PARD3: variants seen among roughly 807,000 people sequenced by gnomAD.
The protein encoded by PARD3 is par-3 family cell polarity regulator.
A neutral mutation model predicts 155.4 loss-of-function variants in PARD3; 75 were observed. The ratio of observed to expected loss-of-function variants is 0.48; its 90% CI spans 0.40 to 0.58. The LOEUF is 0.58. PARD3 is among the 20% of genes least tolerant of loss of function. The pLI is 0.00. For synonymous variants in PARD3, 576 were observed against 610.5 expected, an observed-to-expected ratio of 0.94 and a Z score of 0.83; for missense variants, 1,642 against 1,721.7, an observed-to-expected ratio of 0.95 and a Z score of 0.82.
chr10:34,459,727 A>C (rs1200927769), intron 4 of PARD3, among the ~76,000 whole-genome samples: 1 of 152,110 alleles, frequency 6.6e-6, no homozygotes, highest in Non-Finnish European at 1.5e-5. Flanking sequence ...GAATTTAAAA[A>C]CGAATGTATA....
chr10:34,152,955 G>C (rs1189451728), intron 22 of PARD3, among the ~76,000 whole-genome samples: 6 of 152,200 alleles, frequency 3.9e-5, no homozygotes, highest in Admixed American at 1.3e-4. Flanking sequence ...GGCCCAGAGA[G>C]ATCCAGTGAC....
chr10:34,794,696 A>G (rs999268679), intron 1 of PARD3, among the ~76,000 whole-genome samples: 2 of 152,230 alleles, frequency 1.3e-5, no homozygotes, highest in South Asian at 4.1e-4. Flanking sequence ...TCTTTCTACC[A>G]CATAGCCTGG....
At chr10:34,216,086 T>C (rs1388806828) in intron 22 of PARD3, among the ~76,000 whole-genome samples, 1 of 152,222 alleles carries the variant, frequency 6.6e-6, no homozygotes, top group Non-Finnish European at 1.5e-5. Context: ...CCAAGTCAGA[T>C]GGTCGACACT....
chr10:34,265,556 C>G (rs1955260570), intron 22 of PARD3, among the ~76,000 whole-genome samples: 1 of 152,160 alleles, frequency 6.6e-6, no homozygotes, highest in Admixed American at 6.5e-5. Flanking sequence ...TCACTGGACA[C>G]CAATTGCAAA....
chr10:34,579,221 G>A (rs1432679920), intron 2 of PARD3, among the ~76,000 whole-genome samples: 1 of 150,980 alleles, frequency 6.6e-6, no homozygotes, highest in African/African-American at 2.4e-5. Flanking sequence ...AGTGAGCCAA[G>A]ATCGCGCCAC....
At chr10:34,806,100 AG>A (rs1333155788) in intron 1 of PARD3, among the ~76,000 whole-genome samples, 1 of 151,772 alleles carries the variant, frequency 6.6e-6, no homozygotes, top group African/African-American at 2.4e-5. Context: ...ACACCATCAT[AG>A]TTCACTGCAA....
At chr10:34,165,364 G>A (rs1349732895) in intron 22 of PARD3, among the ~76,000 whole-genome samples, 2 of 152,142 alleles carry the variant, frequency 1.3e-5, no homozygotes, top group Non-Finnish European at 2.9e-5. Context: ...ACTGTGGCCT[G>A]CCATCACTAT....
chr10:34,470,212 G>A lies in PARD3; in HGVS notation c.455C>T (p.Ser152Phe), dbSNP rs1018647815. 5.0e-6 allele frequency: 8 copies of A among 1,612,888 alleles called. No individual in the cohort carries two copies. Among genetic ancestry groups the A allele is most frequent in the Non-Finnish European group, 5.9e-6 (7 of 1,179,516 alleles). ...RSSDPALIGL[S>F]TSVSDSNFSS... ...AAAATTACTATCACTGACAGAAGTG[G>A]AGAGGCCAATTAGAGCTGGGTCACT... is the stretch of plus-strand genomic sequence containing the variant. The change falls in exon 4 of 25, where the codon TCC becomes TTC. Residue 152 changes from serine to phenylalanine, a missense_variant. Coordinates refer to ENST00000374788, the MANE Select transcript of PARD3 (RefSeq NM_001184785.2).
intron 21 of PARD3, 84 bp from the exon 22 acceptor site, chr10:34,269,983 G>T: frequency 3.1e-6 from 4 of 1,293,194 alleles, no homozygotes; most frequent in African/African-American, 1.5e-5. Flanking sequence ...AAAATATGTT[G>T]TAAAATATAT....
At chr10:34,284,058 T>A (rs1284792835) in intron 21 of PARD3, 77 bp downstream of exon 21, 2 of 836,748 alleles carry the variant, frequency 2.4e-6, no homozygotes, top group African/African-American at 3.5e-5. Flanking sequence ...AATCTTTACA[T>A]TAAAAAAGAA....
intron 2 of PARD3, among the ~76,000 whole-genome samples, chr10:34,644,713 A>G (rs1403018206): frequency 6.6e-6 from 1 of 152,218 alleles, no homozygotes. Context: ...TTAGTGACTG[A>G]TGGAGATCAG....
chr10:34,666,943 T>C (rs544561038), intron 2 of PARD3, among the ~76,000 whole-genome samples: 17 of 151,646 alleles, frequency 1.1e-4, no homozygotes, highest in Admixed American at 1.1e-3. Flanking sequence ...CCAGGGCGGG[T>C]GGATCACCTG....
At chr10:34,536,390 G>C (rs148081760) in intron 2 of PARD3, among the ~76,000 whole-genome samples, 8 of 152,232 alleles carry the variant, frequency 5.3e-5, no homozygotes, top group Non-Finnish European at 1.0e-4. Context: ...ATCTATGAAA[G>C]AAGTAACAGT....
intron 22 of PARD3, among the ~76,000 whole-genome samples, chr10:34,249,272 A>G (rs1191014465): frequency 1.3e-5 from 2 of 152,122 alleles, no homozygotes; most frequent in Non-Finnish European, 2.9e-5. Flanking sequence ...TCAGCCTCCC[A>G]AAGTGCTGGG....
chr10:34,127,933 T>C (rs1947374307), intron 23 of PARD3, among the ~76,000 whole-genome samples: 1 of 152,248 alleles, frequency 6.6e-6, no homozygotes, highest in Non-Finnish European at 1.5e-5. Flanking sequence ...CAGATTAACA[T>C]AATTCTGTCA....
At chr10:34,456,998 TAA>T (rs1346016541) in intron 4 of PARD3, among the ~76,000 whole-genome samples, 5 of 152,176 alleles carry the variant, frequency 3.3e-5, no homozygotes, top group African/African-American at 1.2e-4. Flanking sequence ...AAATTACAAC[TAA>T]GTTTCCAAAT....
At chr10:34,270,432 C>T (rs551121150) in intron 21 of PARD3, among the ~76,000 whole-genome samples, 30 of 152,210 alleles carry the variant, frequency 2.0e-4, no homozygotes, top group African/African-American at 6.3e-4. Context: ...TGTGAGCCAC[C>T]GTGCCTGGCC....
chr10:34,193,671 T>C (rs568635787), intron 22 of PARD3, among the ~76,000 whole-genome samples: 75 of 152,356 alleles, frequency 4.9e-4, no homozygotes, highest in African/African-American at 1.8e-3. Context: ...TTATTCTGTA[T>C]GACTTTCGCT....
chr10:34,198,825 T>C (rs1019446447), intron 22 of PARD3, among the ~76,000 whole-genome samples: 3 of 152,030 alleles, frequency 2.0e-5, no homozygotes, highest in African/African-American at 7.2e-5. Context: ...AGGCCTCCCA[T>C]GTATTTGGGA....
Sources: allele counts gnomAD v4.1 joint callset (sites outside exome capture counted in the v4.1 genomes callset), GRCh38; gene constraint gnomAD v4.1.1; transcripts MANE v1.5; gene names NCBI Gene and HGNC (gene_info 2026-07-23, HGNC 2026-07-21).